NIN: variants seen among roughly 807,000 people sequenced by gnomAD.
The protein encoded by NIN is glycogen synthase kinase 3 beta-interacting protein.
A neutral mutation model predicts 257.6 loss-of-function variants in NIN; 137 were observed. The observed-to-expected ratio is 0.53, with a 90% CI of 0.46 to 0.61. The LOEUF is 0.61. Among genes scored for constraint, NIN ranks in the 20% least tolerant of loss-of-function variants. The pLI is 0.00. For missense variants in NIN, 2,439 were observed against 2,501.2 expected, an observed-to-expected ratio of 0.98 and a Z score of 0.53; for synonymous variants, 918 against 919.8, an observed-to-expected ratio of 1.00 and a Z score of 0.04.
At chr14:50,786,645 A>G (rs1316122845) in intron 5 of NIN, among the ~76,000 whole-genome samples, 1 of 152,206 alleles carries the variant, frequency 6.6e-6, no homozygotes, top group Admixed American at 6.5e-5. Flanking sequence ...AAAAAAAAAA[A>G]AGTCCATCCT....
intron 25 of NIN, among the ~76,000 whole-genome samples, chr14:50,739,699 T>A (rs1386288788): frequency 6.6e-6 from 1 of 152,136 alleles, no homozygotes; most frequent in African/African-American, 2.4e-5. Context: ...ATTTGGAGAG[T>A]CTCTGTTTAA....
intron 22 of NIN, among the ~76,000 whole-genome samples, chr14:50,745,730 C>T (rs2041507100): frequency 6.6e-6 from 1 of 152,202 alleles, no homozygotes. Context: ...ACCCTCCAGA[C>T]ACCCGTAAAG....
intron 21 of NIN, among the ~76,000 whole-genome samples, chr14:50,748,804 TAAGAG>T (rs1245492434): frequency 6.6e-6 from 1 of 152,006 alleles, no homozygotes; most frequent in African/African-American, 2.4e-5. Flanking sequence ...CTCAAGGAAA[TAAGAG>T]AGGACACAAA....
intron 17 of NIN, 123 bp downstream of exon 17, chr14:50,759,734 C>T (rs2042200489): frequency 8.0e-6 from 8 of 995,956 alleles, no homozygotes; most frequent in Non-Finnish European, 1.2e-5. Flanking sequence ...CGTGATCCGC[C>T]CACCTCGGCC....
At position 50,741,759 on chromosome 14, in the gene NIN, C is replaced by T. The variant is rs199898320; in HGVS notation, c.5302-31G>A. On this transcript the variant is annotated intron_variant, in intron 24 of 30. Transcript: ENST00000530997. ...TTGTGAGAATGATCTTTTACTGCTA[C>T]ACAAACTCTTGTGGTCTCACCTCTA... 123 of 1,607,562 alleles carry T rather than the reference C, an allele frequency of 7.7e-5. No homozygotes were observed. The African/African-American group carries it at 1.6e-3, about 21-fold the overall frequency.
At chr14:50,799,646 G>A (rs902663160) in intron 4 of NIN, among the ~76,000 whole-genome samples, 10 of 152,116 alleles carry the variant, frequency 6.6e-5, no homozygotes, top group Non-Finnish European at 1.2e-4. Context: ...GTAGAAAACC[G>A]TCATCCTCAT....
chr14:50,725,308 G>C (rs2040366674), intron 30 of NIN, among the ~76,000 whole-genome samples: 1 of 152,004 alleles, frequency 6.6e-6, no homozygotes, highest in Admixed American at 6.5e-5. Context: ...AGTACTTTCT[G>C]CTTGTCTCTT....
intron 3 of NIN, among the ~76,000 whole-genome samples, chr14:50,813,021 A>C (rs2044708667): frequency 6.6e-6 from 1 of 152,202 alleles, no homozygotes; most frequent in Admixed American, 6.5e-5. Context: ...TAAATGCCTC[A>C]TCTTTCAAAG....
At chr14:50,810,230 CA>C (rs57511926) in intron 3 of NIN, among the ~76,000 whole-genome samples, 3,185 of 73,060 alleles carry the variant, frequency 0.044, 92 homozygotes, top group African/African-American at 0.12. Context: ...GACTCCGTCT[CA>C]AAAAAAAAAA....
chr14:50,723,526 G>A lies in NIN; in HGVS notation c.6339C>T (p.Leu2113=), dbSNP rs1848938634. The change falls in exon 31 of 31, where the codon CTC becomes CTT. Residue 2113 remains leucine, a synonymous_variant. Coordinates refer to ENST00000530997, the MANE Select transcript of NIN (RefSeq NM_020921.4). ...GTGTCAGATTCCTAACTATATTACT[G>A]AGGCTGGCAATCTTCTCCTCCAGGA... The part of the protein sequence containing the change: ...NYLLEEKIAS[L]SNIVRNLTPA... 31 of 1,613,806 alleles carry A rather than the reference G, an allele frequency of 1.9e-5. No homozygotes were observed. The East Asian group carries it at 6.7e-4, about 35-fold the overall frequency.
chr14:50,759,041 A>G (rs771023333), intron 17 of NIN, among the ~76,000 whole-genome samples: 2 of 152,382 alleles, frequency 1.3e-5, no homozygotes, highest in South Asian at 2.1e-4. Flanking sequence ...TAAATGACAC[A>G]TATGAACAAA....
upstream of NIN, among the ~76,000 whole-genome samples, chr14:50,831,368 C>T (rs952658750): frequency 6.6e-6 from 1 of 152,148 alleles, no homozygotes; most frequent in Non-Finnish European, 1.5e-5. Flanking sequence ...AGGCTGGCGC[C>T]CCGAGGTCGC....
intron 4 of NIN, chr14:50,806,427 A>G (rs1566867238): frequency 4.8e-6 from 1 of 208,302 alleles, no homozygotes. Context: ...CCTTCCATGT[A>G]CAAGGAAACA....
intron 21 of NIN, among the ~76,000 whole-genome samples, chr14:50,750,060 G>C (rs1411523767): frequency 1.3e-5 from 2 of 151,914 alleles, no homozygotes; most frequent in Non-Finnish European, 2.9e-5. Context: ...CATTTATTTT[G>C]GTGATCAAAT....
chr14:50,825,597 G>A (rs1226052197), intron 2 of NIN, among the ~76,000 whole-genome samples: 1 of 152,200 alleles, frequency 6.6e-6, no homozygotes, highest in Non-Finnish European at 1.5e-5. Context: ...TGTCCAAGGA[G>A]ACAGCATTAA....
At chr14:50,752,782 T>TAAGAAA (rs2041845538) in intron 20 of NIN, 49 bp from the exon 21 acceptor site, 1 of 652,856 alleles carries the variant, frequency 1.5e-6, no homozygotes, top group Non-Finnish European at 2.4e-6. Flanking sequence ...CTACTTGTGC[T>TAAGAAA]AAAAAAAAAA....
intron 21 of NIN, among the ~76,000 whole-genome samples, chr14:50,749,121 C>T (rs112974993): frequency 2.0e-5 from 3 of 151,998 alleles, no homozygotes; most frequent in African/African-American, 7.3e-5. Flanking sequence ...ATATATAGAC[C>T]AATGGAACAG....
chr14:50,814,880 A>G (rs1016478862), intron 3 of NIN, among the ~76,000 whole-genome samples: 1 of 152,240 alleles, frequency 6.6e-6, no homozygotes, highest in Admixed American at 6.5e-5. Context: ...CACATTATAC[A>G]AAAATTAACT....
At chr14:50,813,629 A>G (rs1190724423) in intron 3 of NIN, among the ~76,000 whole-genome samples, 1 of 152,202 alleles carries the variant, frequency 6.6e-6, no homozygotes, top group Admixed American at 6.5e-5. Flanking sequence ...CAAACCACAC[A>G]CACAAAAAAA....
Sources: allele counts gnomAD v4.1 joint callset (sites outside exome capture counted in the v4.1 genomes callset), GRCh38; gene constraint gnomAD v4.1.1; transcripts MANE v1.5; gene names NCBI Gene and HGNC (gene_info 2026-07-23, HGNC 2026-07-21).